The following CSMD1 variants were observed in gnomAD, a reference collection of about 807,000 sequenced individuals.
CSMD1 encodes the protein CUB and sushi domain-containing protein 1.
CSMD1 carries 213 observed loss-of-function variants against 417.5 expected under a neutral mutation model. The ratio of observed to expected loss-of-function variants is 0.51; its 90% CI spans 0.46 to 0.57. The LOEUF is 0.57. Ranked by LOEUF, CSMD1 falls within the 20% of genes least tolerant of loss-of-function variation. CSMD1 has a pLI of 0.00. For synonymous variants in CSMD1, 2,862 were observed against 1,736.8 expected, an observed-to-expected ratio of 1.65 and a Z score of -16.11; for missense variants, 6,923 against 4,529.7, an observed-to-expected ratio of 1.53 and a Z score of -15.17.
At chr8:3,576,834 A>G (rs1800170978) in intron 9 of CSMD1, among the ~76,000 whole-genome samples, 1 of 152,230 alleles carries the variant, frequency 6.6e-6, no homozygotes, top group Non-Finnish European at 1.5e-5. Flanking sequence ...TTATCCAACT[A>G]GAAAACCTTT....
intron 18 of CSMD1, among the ~76,000 whole-genome samples, chr8:3,380,027 G>C (rs533323672): frequency 6.6e-6 from 1 of 152,090 alleles, no homozygotes; most frequent in African/African-American, 2.4e-5. Context: ...AATCTACAAA[G>C]AACTTGAACA....
chr8:3,512,628 G>A (rs1797124838), intron 10 of CSMD1, among the ~76,000 whole-genome samples: 1 of 143,938 alleles, frequency 6.9e-6, no homozygotes, highest in Admixed American at 7.1e-5. Flanking sequence ...TTAAGACAGA[G>A]TCTTGCTTTG....
At chr8:4,243,392 G>T (rs1306988398) in intron 3 of CSMD1, among the ~76,000 whole-genome samples, 2 of 152,108 alleles carry the variant, frequency 1.3e-5, no homozygotes, top group African/African-American at 2.4e-5. Context: ...GACTTGGAGA[G>T]AATGACTCAT....
At position 3,960,277 on chromosome 8, in the gene CSMD1, A is replaced by T. The variant is rs1031834734; in HGVS notation, c.818+37626T>A. Among the ~76,000 whole-genome samples, 3 of 152,208 alleles carry T rather than the reference A, an allele frequency of 2.0e-5. No individual in the cohort carries two copies. In the South Asian group the frequency reaches 6.2e-4, roughly 32 times the overall value. On this transcript the variant is annotated intron_variant, in intron 5 of 69. Coordinates refer to ENST00000635120, the MANE Select transcript of CSMD1 (RefSeq NM_033225.6). ...AAACAGCAAATCCTAAGTGCCATCT[A>T]ATAAGGAATTTAGCAAATGTTACTC...
intron 29 of CSMD1, among the ~76,000 whole-genome samples, chr8:3,216,058 T>TTA (rs1491319961): frequency 2.0e-5 from 3 of 148,532 alleles, no homozygotes; most frequent in Non-Finnish European, 4.5e-5. Flanking sequence ...TTAATATATA[T>TTA]TATATATATA....
intron 2 of CSMD1, among the ~76,000 whole-genome samples, chr8:4,461,204 A>C (rs77813870): frequency 0.015 from 2,257 of 152,070 alleles, 104 homozygotes; most frequent in African/African-American, 0.051. Flanking sequence ...TGATGATAAA[A>C]ACAATTAACT....
rs765683466 is a variant in CSMD1 at position 4,031,964 on chromosome 8, G to C, written c.551C>G (p.Thr184Ser). The change falls in exon 4 of 70, where the codon ACC becomes AGC. Residue 184 changes from threonine to serine, a missense_variant. Thr to Ser is a moderately conservative substitution (Grantham distance 58, BLOSUM62 1). Transcript: ENST00000635120. The part of the protein sequence containing the change: ...GYILEGHAIL[T>S]CIVSPGNGAS... ...ACCATTTCCTGGGCTGACGATGCAGGTCAGGATGGCGTGGCCTTCCAAGAT... is the reference window on the plus strand; with the variant it reads ...ACCATTTCCTGGGCTGACGATGCAGCTCAGGATGGCGTGGCCTTCCAAGAT... The C allele has an allele frequency of 1.2e-6, 2 of 1,613,964 alleles. No individual in the cohort carries two copies. The highest frequency in any genetic ancestry group is 1.7e-6 in the Non-Finnish European group (2 of 1,179,880).
Position 4,608,757 on chromosome 8 carries a change from A to G in CSMD1, c.302+28585T>C, listed in dbSNP as rs189208489. 8.7e-4 allele frequency among the ~76,000 whole-genome samples: 132 copies of G among 152,320 alleles called. 2 individuals are homozygous for G. The highest frequency in any genetic ancestry group is 3.7e-3 in the Admixed American group (57 of 15,300). On this transcript the variant is annotated intron_variant, in intron 2 of 69. Transcript: ENST00000635120. ...ACGATGTGTTTTCTTTTATGAGTTCATATGTTCAGGAGGCTGGAAAATACC... is the reference window on the plus strand; with the variant it reads ...ACGATGTGTTTTCTTTTATGAGTTCGTATGTTCAGGAGGCTGGAAAATACC...
intron 3 of CSMD1, among the ~76,000 whole-genome samples, chr8:4,245,357 G>C (rs895723112): frequency 2.0e-5 from 3 of 152,154 alleles, no homozygotes; most frequent in Non-Finnish European, 4.4e-5. Context: ...TGGGAGGAAA[G>C]ATTGCAAGTA....
At chr8:3,998,713 AAAGAT>A (rs1402914909) in intron 4 of CSMD1, among the ~76,000 whole-genome samples, 2 of 152,134 alleles carry the variant, frequency 1.3e-5, no homozygotes, top group Non-Finnish European at 2.9e-5. Context: ...AAAGGCCAGT[AAAGAT>A]AAAAGTGCAT....
intron 12 of CSMD1, among the ~76,000 whole-genome samples, chr8:3,448,803 G>A (rs1020381397): frequency 1.3e-5 from 2 of 152,174 alleles, no homozygotes; most frequent in African/African-American, 4.8e-5. Flanking sequence ...CTTATTCTCA[G>A]TTATATGTCT....
intron 9 of CSMD1, among the ~76,000 whole-genome samples, chr8:3,584,600 G>C: frequency 6.6e-6 from 1 of 151,854 alleles, no homozygotes; most frequent in East Asian, 1.9e-4. Flanking sequence ...TGAGAGTCAG[G>C]GCCAAGAAAG....
chr8:4,719,800 C>T (rs917997526), intron 1 of CSMD1, among the ~76,000 whole-genome samples: 3 of 152,084 alleles, frequency 2.0e-5, no homozygotes, highest in Non-Finnish European at 4.4e-5. Context: ...AGAGCTTGAA[C>T]TATTGCTGCC....
At chr8:4,763,230 T>C (rs1812230431) in intron 1 of CSMD1, among the ~76,000 whole-genome samples, 1 of 152,224 alleles carries the variant, frequency 6.6e-6, no homozygotes, top group Non-Finnish European at 1.5e-5. Context: ...GTGTTTTCTT[T>C]CTGAAAACTC....
chr8:4,069,669 C>G (rs976477164), intron 3 of CSMD1, among the ~76,000 whole-genome samples: 4 of 152,168 alleles, frequency 2.6e-5, no homozygotes, highest in African/African-American at 7.2e-5. Context: ...TCCTGTTTCT[C>G]CGACTGGATT....
At chr8:4,780,328 G>T (rs1797089477) in intron 1 of CSMD1, among the ~76,000 whole-genome samples, 1 of 152,170 alleles carries the variant, frequency 6.6e-6, no homozygotes, top group Non-Finnish European at 1.5e-5. Flanking sequence ...TGGCTCTACT[G>T]CATAATCTAG....
rs540166189 is a variant in CSMD1 at position 3,369,353 on chromosome 8, T to C, written c.2800A>G (p.Ile934Val). Residue 934 changes from isoleucine to valine, a missense_variant, in exon 19 of 70, where the codon ATC (isoleucine) becomes GTC (valine). Physicochemically the swap from Ile to Val is conservative, Grantham distance 29. Transcript: ENST00000635120. ...AGGACTGTTCCACTCTTCCCTTGGA[T>C]GTAGCCTCCACATAGAGCTTAAAAT... is the stretch of plus-strand genomic sequence containing the variant. ...PSCDALCGGY[I>V]QGKSGTVLSP... is the part of the protein sequence containing the mutation. 6.3e-7 allele frequency: 1 copy of C among 1,575,914 alleles called. No homozygotes were observed. Among genetic ancestry groups the C allele is most frequent in the South Asian group, 1.1e-5 (1 of 89,770 alleles).
chr8:4,398,535 A>G (rs1804422758), intron 3 of CSMD1, among the ~76,000 whole-genome samples: 1 of 151,658 alleles, frequency 6.6e-6, no homozygotes, highest in Non-Finnish European at 1.5e-5. Flanking sequence ...GTGGGACTAC[A>G]GGCGCCCGCC....
Position 2,957,682 on chromosome 8 carries a change from G to C in CSMD1, c.9814+14C>G. On this transcript the variant is annotated intron_variant, in intron 63 of 69. Transcript: ENST00000635120. ...TAGGTGACTTGTGATGGGGGTGGAA[G>C]AAATCACACTTACGTATACATTCGG... is the stretch of plus-strand genomic sequence containing the variant. The C allele has an allele frequency of 6.6e-7, 1 of 1,504,552 alleles. No homozygotes were observed. The highest frequency in any genetic ancestry group is 1.2e-5 in the South Asian group (1 of 83,822). 93.2% of individuals were successfully genotyped at this position (1,504,552 alleles called of 1,614,324 possible).
Sources: allele counts gnomAD v4.1 joint callset (sites outside exome capture counted in the v4.1 genomes callset), GRCh38; gene constraint gnomAD v4.1.1; transcripts MANE v1.5; gene names NCBI Gene and HGNC (gene_info 2026-07-23, HGNC 2026-07-21).